Variants in SETD2 observed in about 807,000 individuals in gnomAD.
SETD2 encodes SET domain containing 2, histone lysine methyltransferase.
SETD2 carries 31 observed loss-of-function variants against 242.1 expected under a neutral mutation model. The observed-to-expected ratio is 0.13, with a 90% CI of 0.10 to 0.17. SETD2 has a LOEUF of 0.17. SETD2 is among the 10% of genes least tolerant of loss of function. The pLI, the probability that SETD2 is intolerant of heterozygous loss-of-function variation, is 1.00. For synonymous variants in SETD2, 1,006 were observed against 1,066.5 expected, an observed-to-expected ratio of 0.94 and a Z score of 1.11; for missense variants, 2,481 against 3,046.3, an observed-to-expected ratio of 0.81 and a Z score of 4.37.
chr3:47,052,782 C>T (rs1223394037), intron 15 of SETD2, among the ~76,000 whole-genome samples: 1 of 152,010 alleles, frequency 6.6e-6, no homozygotes, highest in East Asian at 1.9e-4. Flanking sequence ...CACCACTGCA[C>T]TCTAGCCTGG....
chr3:47,136,175 T>C (rs1034498413), intron 1 of SETD2, among the ~76,000 whole-genome samples: 4 of 152,144 alleles, frequency 2.6e-5, no homozygotes, highest in Non-Finnish European at 4.4e-5. Flanking sequence ...ATCTACCCAA[T>C]TGCTCAGATC....
chr3:47,155,670 G>C (rs911418768), intron 1 of SETD2, among the ~76,000 whole-genome samples: 15 of 152,124 alleles, frequency 9.9e-5, no homozygotes, highest in African/African-American at 3.6e-4. Flanking sequence ...GCCGGGTGTG[G>C]TAGTGTGCAC....
intron 15 of SETD2, among the ~76,000 whole-genome samples, chr3:47,050,887 A>C (rs1245483560): frequency 6.7e-6 from 1 of 149,078 alleles, no homozygotes; most frequent in Non-Finnish European, 1.5e-5. Context: ...TGCGCCACCA[A>C]GCCCAGCTAA....
intron 3 of SETD2, chr3:47,119,793 G>C (rs1294455927): frequency 2.1e-6 from 1 of 472,228 alleles, no homozygotes; most frequent in Non-Finnish European, 4.4e-6. Flanking sequence ...GCACATTTTT[G>C]AAAATAAAAT....
At chr3:47,116,783 TTAAA>T (rs751730291) in intron 3 of SETD2, 29 bp from the exon 4 acceptor site, 7 of 1,445,730 alleles carry the variant, frequency 4.8e-6, no homozygotes, top group Non-Finnish European at 6.7e-6. Context: ...TAAAAACTGA[TTAAA>T]TAAATTTCCT....
At chr3:47,037,617 T>C (rs1451320176) in intron 18 of SETD2, 49 bp downstream of exon 18, 1 of 1,417,622 alleles carries the variant, frequency 7.1e-7, no homozygotes, top group Admixed American at 1.7e-5. Flanking sequence ...GGGATGGTCT[T>C]GGACGGACTC....
At chr3:47,118,436 T>C (rs140625356) in intron 3 of SETD2, among the ~76,000 whole-genome samples, 194 of 152,212 alleles carry the variant, frequency 1.3e-3, no homozygotes, top group African/African-American at 4.5e-3. Flanking sequence ...ATTTTGAATA[T>C]ATAGGCCAGG....
At chr3:47,032,441 G>A (rs2038812247) in intron 18 of SETD2, among the ~76,000 whole-genome samples, 1 of 151,882 alleles carries the variant, frequency 6.6e-6, no homozygotes, top group Non-Finnish European at 1.5e-5. Context: ...CCCTGATGGT[G>A]CCACTGCACT....
At chr3:47,119,260 C>T (rs2107736099) in intron 3 of SETD2, among the ~76,000 whole-genome samples, 1 of 152,220 alleles carries the variant, frequency 6.6e-6, no homozygotes, top group South Asian at 2.1e-4. Flanking sequence ...AGAAGCCCTG[C>T]TCTAGAGGAC....
chr3:47,051,322 C>A (rs1273354413), intron 15 of SETD2, among the ~76,000 whole-genome samples: 2 of 152,090 alleles, frequency 1.3e-5, no homozygotes, highest in African/African-American at 2.4e-5. Flanking sequence ...CCAAGCTGAT[C>A]TCAAACTACT....
chr3:47,124,120 T>C lies in SETD2; in HGVS notation c.516A>G (p.Pro172=), dbSNP rs1323241774. 3 of 1,551,822 alleles carry C rather than the reference T, an allele frequency of 1.9e-6. No homozygotes were observed. Among genetic ancestry groups the C allele is most frequent in the Admixed American group, 2.0e-5 (1 of 50,974 alleles). ...TTGATTCTGCTATCACTGCTGGTAA[T>C]GGTGCTGCATGAGTAGGTGGAGATG... The part of the protein sequence containing the change: ...AVASPPTHAA[P]LPAVIAESTT... Residue 172 remains proline, a synonymous_variant, in exon 3 of 21, where the codon CCA becomes CCG. Coordinates refer to ENST00000409792, the MANE Select transcript of SETD2 (RefSeq NM_014159.7).
rs530628954 is a variant in SETD2 at position 47,039,319 on chromosome 3, A to G, written c.7239-1542T>C. 1.5e-4 allele frequency among the ~76,000 whole-genome samples: 22 copies of G among 151,580 alleles called. No individual in the cohort carries two copies. In the East Asian group the frequency reaches 2.7e-3, roughly 19 times the overall value. On this transcript the variant is annotated intron_variant, in intron 17 of 20. Transcript: ENST00000409792. The stretch of plus-strand genomic sequence containing the variant: ...AACCTCTGCCTCCTGGGTTCAAGTG[A>G]TTCTCCTGCCTCAGCCTCCTGAGTA...
intron 15 of SETD2, among the ~76,000 whole-genome samples, chr3:47,048,113 G>C (rs550534461): frequency 1.4e-4 from 21 of 152,284 alleles, no homozygotes; most frequent in African/African-American, 3.9e-4. Flanking sequence ...TTTAGGCCGG[G>C]GCACGGTGGC....
intron 1 of SETD2, among the ~76,000 whole-genome samples, chr3:47,138,034 C>A (rs1357712791): frequency 6.6e-6 from 1 of 151,624 alleles, no homozygotes; most frequent in South Asian, 2.1e-4. Flanking sequence ...TGCAGTGGCG[C>A]GATCTCGGCT....
chr3:47,037,600 A>G, intron 18 of SETD2, 66 bp downstream of exon 18: 3 of 1,185,072 alleles, frequency 2.5e-6, no homozygotes, highest in East Asian at 4.7e-5. Flanking sequence ...GAATCCCAAG[A>G]CCATGCGGGA....
At position 47,106,116 on chromosome 3, in the gene SETD2, T is replaced by A. The variant is rs1361858546; in HGVS notation, c.4720A>T (p.Thr1574Ser). 6.2e-7 allele frequency: 1 copy of A among 1,610,414 alleles called. No individual in the cohort carries two copies. Among genetic ancestry groups the A allele is most frequent in the Non-Finnish European group, 8.5e-7 (1 of 1,177,682 alleles). The stretch of plus-strand genomic sequence containing the variant: ...TCTCCACAATATTCTAGGACAAAGG[T>A]GTTCCTGCAAACCAAAAGGAAAAAA... ...LRAAKDLPSNTFVLEYCGEVL... is the reference protein window; with the variant it reads ...LRAAKDLPSNSFVLEYCGEVL... The change falls in exon 6 of 21, where the codon ACC becomes TCC. Residue 1574 changes from threonine (T) to serine (S), a missense_variant. Physicochemically the swap from Thr to Ser is moderately conservative, Grantham distance 58 (BLOSUM62 1). Transcript: ENST00000409792.
intron 1 of SETD2, among the ~76,000 whole-genome samples, chr3:47,159,906 C>A (rs1353627697): frequency 6.8e-6 from 1 of 147,530 alleles, no homozygotes; most frequent in Non-Finnish European, 1.5e-5. Context: ...AGCCAGGGGG[C>A]AGAGGTTGCA....
At chr3:47,058,459 A>AAAAAAAAAAAAAAAAAAAAAAAAAAAAAG (rs2040179907) in intron 14 of SETD2, among the ~76,000 whole-genome samples, 1 of 140,938 alleles carries the variant, frequency 7.1e-6, no homozygotes, top group African/African-American at 2.5e-5. Context: ...AAAAAAAAAA[A>AAAAAAAAAAAAAAAAAAAAAAAAAAAAAG]AAAAACACAA....
intron 8 of SETD2, among the ~76,000 whole-genome samples, chr3:47,100,464 T>C (rs1575772458): frequency 6.6e-6 from 1 of 151,616 alleles, no homozygotes; most frequent in South Asian, 2.1e-4. Context: ...TTTCACCATG[T>C]TGGCCAGGCT....
Sources: allele counts gnomAD v4.1 joint callset (sites outside exome capture counted in the v4.1 genomes callset), GRCh38; gene constraint gnomAD v4.1.1; transcripts MANE v1.5; gene names NCBI Gene and HGNC (gene_info 2026-07-23, HGNC 2026-07-21).